Variants in ZCWPW2 observed in about 807,000 individuals in gnomAD.
ZCWPW2 encodes zinc finger CW-type and PWWP domain containing 2, also known as zinc finger CW-type PWWP domain protein 2.
Under a neutral mutation model 46.6 loss-of-function variants are expected in ZCWPW2, and 45 were observed. The observed-to-expected ratio is 0.96, with a 90% CI of 0.76 to 1.24. The LOEUF (loss-of-function observed/expected upper bound fraction) is 1.24. ZCWPW2 is among the 50% of genes most tolerant of loss of function. The probability of loss-of-function intolerance (pLI) is 0.00; values close to 1 mark genes in which losing one functional copy is unlikely to be tolerated. For missense variants in ZCWPW2, 429 were observed against 403.9 expected (o/e 1.06, Z -0.53); for synonymous variants, 152 against 137.1 (o/e 1.11, Z -0.76).
At chr3:28,479,015 A>T (rs1699333148) in intron 5 of ZCWPW2, 84 bp downstream of exon 5, 25 of 846,884 alleles carry the variant, frequency 3.0e-5, no homozygotes, top group Non-Finnish European at 3.8e-5. Flanking sequence ...CTCATTCAAA[A>T]ATCTCTATCT....
At chr3:28,417,237 C>T (rs1394249847) in intron 3 of ZCWPW2, among the ~76,000 whole-genome samples, 1 of 152,008 alleles carries the variant, frequency 6.6e-6, no homozygotes, top group East Asian at 1.9e-4. Flanking sequence ...CTATAAATAC[C>T]TCTACACAAA....
At chr3:28,485,779 A>C (rs1699580023) in intron 5 of ZCWPW2, among the ~76,000 whole-genome samples, 1 of 152,198 alleles carries the variant, frequency 6.6e-6, no homozygotes, top group Non-Finnish European at 1.5e-5. Context: ...ATTAATGTTT[A>C]AAATGATTAT....
At position 28,351,290 on chromosome 3, in the gene ZCWPW2, C is replaced by T. The variant is rs1345041237; in HGVS notation, c.-134+2087C>T. Among the ~76,000 whole-genome samples the T allele has an allele frequency of 2.7e-5, 4 of 150,214 alleles. No individual in the cohort carries two copies. In the East Asian group the frequency reaches 7.8e-4, roughly 29 times the overall value. On this transcript the variant is annotated intron_variant, in intron 1 of 9. Transcript: ENST00000383768. Reference sequence around the variant, plus strand: ...CATATATATATTACAAAAGCTCCTTCTCCACTTTTTTCCACCCCCTACACC... The same window carrying T: ...CATATATATATTACAAAAGCTCCTTTTCCACTTTTTTCCACCCCCTACACC...
In ZCWPW2 at chr3:28,485,302, A is replaced by G. The variant is rs574224823; in HGVS notation, c.610+6371A>G. Among the ~76,000 whole-genome samples, 6 of 152,102 alleles carry G rather than the reference A, an allele frequency of 3.9e-5. No individual in the cohort carries two copies. The South Asian group carries it at 8.3e-4, about 21-fold the overall frequency. ...TCTATTCTTTTAAATGTGTTAAGGT[A>G]TTTTTTATGGCCCAGGATGTGGTCT... On this transcript the variant is annotated intron_variant, in intron 5 of 9. Transcript: ENST00000383768.
At chr3:28,422,845 C>G (rs775566417) in intron 3 of ZCWPW2, among the ~76,000 whole-genome samples, 2 of 152,052 alleles carry the variant, frequency 1.3e-5, no homozygotes, top group Non-Finnish European at 2.9e-5. Flanking sequence ...GCATTCCCAA[C>G]AGTGTTGCTT....
At chr3:28,438,455 T>C (rs1201501557) in intron 4 of ZCWPW2, among the ~76,000 whole-genome samples, 1 of 152,200 alleles carries the variant, frequency 6.6e-6, no homozygotes, top group Non-Finnish European at 1.5e-5. Flanking sequence ...AGAAAAGACC[T>C]GAGTGGACTT....
chr3:28,402,392 C>T (rs539301770), intron 2 of ZCWPW2, among the ~76,000 whole-genome samples: 6 of 152,036 alleles, frequency 3.9e-5, no homozygotes, highest in Non-Finnish European at 7.4e-5. Context: ...TTAGATACCC[C>T]GAATAGACCA....
intron 1 of ZCWPW2, among the ~76,000 whole-genome samples, chr3:28,385,512 C>T (rs146210940): frequency 7.2e-5 from 11 of 152,298 alleles, no homozygotes; most frequent in African/African-American, 2.6e-4. Context: ...CAACTGCATC[C>T]AGGCCTTATG....
chr3:28,503,775 C>A (rs184967494), intron 6 of ZCWPW2, among the ~76,000 whole-genome samples: 277 of 151,972 alleles, frequency 1.8e-3, no homozygotes, highest in African/African-American at 6.4e-3. Context: ...AGTCTTTTGA[C>A]TTTTCATTTA....
At chr3:28,481,638 A>G (rs1003917951) in intron 5 of ZCWPW2, among the ~76,000 whole-genome samples, 2 of 152,148 alleles carry the variant, frequency 1.3e-5, no homozygotes, top group Non-Finnish European at 2.9e-5. Flanking sequence ...TTCTAAACAG[A>G]TTACTCTATG....
At position 28,515,745 on chromosome 3, in the gene ZCWPW2, G is replaced by GTA. The variant is rs1553643962; in HGVS notation, c.784+127_784+128dup. 610 of 720,500 alleles carry GTA rather than the reference G, an allele frequency of 8.5e-4. 2 individuals carry two copies. Among genetic ancestry groups the GTA allele is most frequent in the African/African-American group, 3.0e-3 (162 of 53,480 alleles). The allele number at this position is 720,500 out of a possible 1,614,324, so 44.6% of individuals were successfully genotyped here. A position where few individuals can be genotyped will look rare whatever the true frequency, so the allele number is the denominator to read the frequency against. On this transcript the variant is annotated intron_variant, in intron 8 of 9. Transcript: ENST00000383768. ...TGTGTGTGTGTGTGTGTGTGTGTGT[G>GTA]TATACACATATATACATGTGCGTAC...
chr3:28,349,374 A>G (rs1704439983), intron 1 of ZCWPW2, among the ~76,000 whole-genome samples, 171 bp downstream of exon 1: 1 of 152,260 alleles, frequency 6.6e-6, no homozygotes, highest in African/African-American at 2.4e-5. Flanking sequence ...GTGGCTGGGA[A>G]CTGGGAAGTC....
At chr3:28,396,962 CTA>C (rs1337357303) in intron 2 of ZCWPW2, among the ~76,000 whole-genome samples, 1 of 152,078 alleles carries the variant, frequency 6.6e-6, no homozygotes, top group Non-Finnish European at 1.5e-5. Flanking sequence ...AACTCCGTCT[CTA>C]TTAAAAATAC....
intron 6 of ZCWPW2, among the ~76,000 whole-genome samples, chr3:28,499,927 T>TA (rs1158838897): frequency 6.6e-6 from 1 of 152,128 alleles, no homozygotes; most frequent in Non-Finnish European, 1.5e-5. Context: ...TCTGTATTTA[T>TA]ATAGTAAAAT....
At chr3:28,452,941 G>A (rs1158834001) in intron 4 of ZCWPW2, among the ~76,000 whole-genome samples, 3 of 152,166 alleles carry the variant, frequency 2.0e-5, no homozygotes, top group Non-Finnish European at 2.9e-5. Flanking sequence ...ATTGAGAGAA[G>A]TAGAGCTAGT....
At chr3:28,379,899 G>C (rs1326171032) in intron 1 of ZCWPW2, among the ~76,000 whole-genome samples, 3 of 152,126 alleles carry the variant, frequency 2.0e-5, no homozygotes, top group Non-Finnish European at 4.4e-5. Flanking sequence ...AATTATAATG[G>C]AGTAGACCTA....
intron 6 of ZCWPW2, among the ~76,000 whole-genome samples, chr3:28,513,528 C>G (rs938208877): frequency 6.6e-6 from 1 of 152,072 alleles, no homozygotes; most frequent in Non-Finnish European, 1.5e-5. Flanking sequence ...CTTGGAGTCC[C>G]TAGGCTTTAT....
At chr3:28,467,859 A>G (rs1264679453) in intron 4 of ZCWPW2, among the ~76,000 whole-genome samples, 1 of 152,178 alleles carries the variant, frequency 6.6e-6, no homozygotes, top group African/African-American at 2.4e-5. Flanking sequence ...AGCAGGTGCA[A>G]ACAAACCCAT....
intron 5 of ZCWPW2, among the ~76,000 whole-genome samples, chr3:28,486,324 A>G (rs1283981348): frequency 6.6e-6 from 1 of 152,194 alleles, no homozygotes; most frequent in Non-Finnish European, 1.5e-5. Context: ...AATTAAGTGT[A>G]TCATGATTAT....
Sources: gnomAD v4.1 joint callset for allele counts (sites outside exome capture counted in the v4.1 genomes callset) on GRCh38, gnomAD v4.1.1 for gene constraint, MANE v1.5 for transcripts, NCBI Gene and HGNC (gene_info 2026-07-23, HGNC 2026-07-21) for gene names.